The following PACSIN2 variants were observed in gnomAD, a reference collection of about 807,000 sequenced individuals.
The protein encoded by PACSIN2 is protein kinase C and casein kinase substrate in neurons protein 2.
Under a neutral mutation model 63.8 loss-of-function variants are expected in PACSIN2, and 25 were observed. That is an observed-to-expected ratio of 0.39 (90% CI 0.29 to 0.55). The LOEUF is 0.55. PACSIN2 is among the 20% of genes least tolerant of loss of function. The pLI is 0.62. For missense variants in PACSIN2, 518 were observed against 646.9 expected (o/e 0.80, Z 2.16); for synonymous variants, 255 against 256.2 (o/e 1.00, Z 0.05).
At chr22:42,999,555 G>A (rs1269087164) in intron 1 of PACSIN2, among the ~76,000 whole-genome samples, 8 of 152,180 alleles carry the variant, frequency 5.3e-5, no homozygotes, top group Admixed American at 4.6e-4. Context: ...TGTAATCCCA[G>A]CTACTTGGGA....
chr22:43,007,779 C>T (rs1372453452), intron 1 of PACSIN2, among the ~76,000 whole-genome samples: 1 of 152,232 alleles, frequency 6.6e-6, no homozygotes, highest in African/African-American at 2.4e-5. Context: ...GAGCAGCCAT[C>T]ATCTTTATCT....
intron 2 of PACSIN2, among the ~76,000 whole-genome samples, chr22:42,894,717 C>T (rs908540681): frequency 2.6e-5 from 4 of 152,104 alleles, no homozygotes; most frequent in Middle Eastern, 3.2e-3. Context: ...GGGGTGAAAA[C>T]GAAAATGTTC....
chr22:42,876,068 C>T, intron 10 of PACSIN2, 69 bp downstream of exon 10: 2 of 1,413,580 alleles, frequency 1.4e-6, no homozygotes, highest in Non-Finnish European at 1.9e-6. Context: ...ACTTAAAAAA[C>T]AAAAAAGACC....
intron 1 of PACSIN2, among the ~76,000 whole-genome samples, chr22:42,918,370 A>G (rs1931949985): frequency 1.3e-5 from 2 of 152,222 alleles, no homozygotes; most frequent in Non-Finnish European, 2.9e-5. Flanking sequence ...TGGGAGCCCA[A>G]GCTACAAATT....
chr22:42,987,449 A>AACACACACACACACACACAC (rs745523623), intron 1 of PACSIN2, among the ~76,000 whole-genome samples: 1 of 87,090 alleles, frequency 1.1e-5, no homozygotes, highest in African/African-American at 4.9e-5. Flanking sequence ...GTCCAGGAGC[A>AACACACACACACACACACAC]ACACACACAC....
At chr22:42,919,356 AG>A (rs1227393096) in intron 1 of PACSIN2, among the ~76,000 whole-genome samples, 1 of 152,212 alleles carries the variant, frequency 6.6e-6, no homozygotes, top group Non-Finnish European at 1.5e-5. Flanking sequence ...ATTTTGAGAA[AG>A]TGCAAAGTGA....
At chr22:42,976,208 C>T (rs1806081485) in intron 1 of PACSIN2, among the ~76,000 whole-genome samples, 2 of 152,244 alleles carry the variant, frequency 1.3e-5, no homozygotes, top group Admixed American at 6.5e-5. Context: ...ACTGCTGACC[C>T]TCCTCACTCT....
Position 42,871,949 on chromosome 22 carries a change from C to T in PACSIN2, c.1349-480G>A, listed in dbSNP as rs1928177657. ...CTTCCAGGCTGCGAGGGGAAGGGAC[C>T]ATGTCTGACAGTCATACCTGTCATT... On this transcript the variant is annotated intron_variant, in intron 10 of 10. Transcript: ENST00000263246. This position sits in a 1 kb window ranked among gnomAD's most constrained non-coding sequence, Gnocchi z 5.4. 6.6e-6 allele frequency among the ~76,000 whole-genome samples: 1 copy of T among 152,134 alleles called. No homozygotes were observed. The highest frequency in any genetic ancestry group is 1.5e-5 in the Non-Finnish European group (1 of 68,032).
In PACSIN2 at chr22:42,952,472, C is replaced by G. The variant is rs150931418; in HGVS notation, c.-77-40315G>C. ...CTCCTTGGTTCAAGCGATTCTCCTG[C>G]CTCAGCCTCCTGATTAGCTGGGACT... is the stretch of plus-strand genomic sequence containing the variant. On this transcript the variant is annotated intron_variant, in intron 1 of 10. Transcript: ENST00000263246. Among the ~76,000 whole-genome samples the G allele has an allele frequency of 6.8e-3, 1,027 of 151,710 alleles. 6 individuals carry two copies. Among genetic ancestry groups the G allele is most frequent in the Non-Finnish European group, 0.01 (695 of 67,896 alleles).
chr22:43,014,258 G>A (rs1372657187), intron 1 of PACSIN2, among the ~76,000 whole-genome samples: 1 of 150,932 alleles, frequency 6.6e-6, no homozygotes, highest in Non-Finnish European at 1.5e-5. Flanking sequence ...AAACCTCCCC[G>A]GCCTCTCCTG....
intron 2 of PACSIN2, among the ~76,000 whole-genome samples, chr22:42,900,026 A>G (rs938842046): frequency 5.9e-5 from 9 of 152,114 alleles, no homozygotes; most frequent in African/African-American, 2.2e-4. Flanking sequence ...TCCCCCTCCT[A>G]CCTGCCCCCA....
intron 1 of PACSIN2, among the ~76,000 whole-genome samples, chr22:42,982,196 A>C (rs1922220327): frequency 1.1e-5 from 1 of 87,572 alleles, no homozygotes. Flanking sequence ...GGCCGCCCCT[A>C]CTGGGAAGTG....
At chr22:42,899,665 G>A (rs1180210636) in intron 2 of PACSIN2, among the ~76,000 whole-genome samples, 3 of 152,172 alleles carry the variant, frequency 2.0e-5, no homozygotes, top group South Asian at 2.1e-4. Context: ...AGTGCCCTAC[G>A]ATGACCCAGC....
intron 1 of PACSIN2, among the ~76,000 whole-genome samples, chr22:42,980,685 C>T (rs1215962622): frequency 7.5e-5 from 8 of 106,198 alleles, no homozygotes; most frequent in Admixed American, 2.0e-4. Flanking sequence ...GACGGGGTTT[C>T]GCTGTGTTGG....
intron 1 of PACSIN2, among the ~76,000 whole-genome samples, chr22:42,935,757 G>A (rs1932897973): frequency 6.6e-6 from 1 of 152,090 alleles, no homozygotes; most frequent in Non-Finnish European, 1.5e-5. Context: ...GAACACAGGT[G>A]GCCCCACAAG....
chr22:42,906,935 A>C (rs1425155862), intron 2 of PACSIN2, among the ~76,000 whole-genome samples: 1 of 152,222 alleles, frequency 6.6e-6, no homozygotes, highest in African/African-American at 2.4e-5. Context: ...ACCATCCTGG[A>C]AGTAGGAAAT....
intron 8 of PACSIN2, among the ~76,000 whole-genome samples, chr22:42,877,670 T>G (rs2146635061): frequency 6.6e-6 from 1 of 152,334 alleles, no homozygotes; most frequent in East Asian, 1.9e-4. Context: ...CAGAGAGATC[T>G]GGGCCAAGCT....
At chr22:42,930,043 G>C (rs535693263) in intron 1 of PACSIN2, among the ~76,000 whole-genome samples, 19 of 152,232 alleles carry the variant, frequency 1.2e-4, no homozygotes, top group African/African-American at 4.3e-4. Context: ...GTTTATTTTT[G>C]TGTCCCAATC....
At chr22:42,959,632 C>G (rs1934055051) in intron 1 of PACSIN2, 1 of 152,230 alleles carries the variant, frequency 6.6e-6, no homozygotes, top group Admixed American at 6.5e-5. Flanking sequence ...TAATAATGAA[C>G]TAATTGAACA....
Sources: gnomAD v4.1 joint callset for allele counts (sites outside exome capture counted in the v4.1 genomes callset) on GRCh38, gnomAD v4.1.1 for gene constraint, Gnocchi (gnomAD v3.1) non-coding constraint, MANE v1.5 for transcripts, NCBI Gene and HGNC (gene_info 2026-07-23, HGNC 2026-07-21) for gene names.